DSN1: variants seen among roughly 807,000 people sequenced by gnomAD.
DSN1 encodes the protein kinetochore-associated protein DSN1 homolog.
Under a neutral mutation model 45.7 loss-of-function variants are expected in DSN1, and 31 were observed. The ratio of observed to expected loss-of-function variants is 0.68; its 90% CI spans 0.51 to 0.92. The LOEUF (loss-of-function observed/expected upper bound fraction) is 0.92, where lower values mean the gene tolerates loss of function less well. Among genes scored for constraint, DSN1 ranks in the 40% least tolerant of loss-of-function variants. The pLI, the probability that DSN1 is intolerant of heterozygous loss-of-function variation, is 0.00. For synonymous variants in DSN1, 134 were observed against 142.3 expected, an observed-to-expected ratio of 0.94 and a Z score of 0.41; for missense variants, 394 against 414.2, an observed-to-expected ratio of 0.95 and a Z score of 0.42.
intron 5 of DSN1, among the ~76,000 whole-genome samples, chr20:36,763,078 T>C (rs1445638528): frequency 4.6e-5 from 7 of 152,288 alleles, no homozygotes; most frequent in Admixed American, 3.9e-4. Flanking sequence ...GATAAATGTT[T>C]CTATAAATGA....
chr20:36,758,513 C>G, intron 7 of DSN1, 45 bp downstream of exon 7: 2 of 1,539,626 alleles, frequency 1.3e-6, no homozygotes, highest in Non-Finnish European at 1.8e-6. Flanking sequence ...TTAATTTCCC[C>G]AGATGGGAGA....
Position 36,751,909 on chromosome 20 carries a change from C to T in DSN1, c.*879G>A, listed in dbSNP as rs1003135714. On this transcript the variant is annotated 3_prime_UTR_variant, in exon 11 of 11. Coordinates refer to ENST00000373750, the MANE Select transcript of DSN1 (RefSeq NM_001145315.2). ...CTTGTCATGAATCCAGGATTTAGGT[C>T]AACTCAATATGAAAAACTGAAGCAC... The T allele has an allele frequency of 6.6e-6, 1 of 150,714 alleles. No homozygotes were observed. Among genetic ancestry groups the T allele is most frequent in the Non-Finnish European group, 1.5e-5 (1 of 68,024 alleles). 9.3% of individuals were successfully genotyped at this position (150,714 alleles called of 1,614,324 possible).
At chr20:36,762,961 C>T (rs1177824091) in intron 5 of DSN1, among the ~76,000 whole-genome samples, 1 of 152,198 alleles carries the variant, frequency 6.6e-6, no homozygotes, top group Non-Finnish European at 1.5e-5. Flanking sequence ...ACCATGTTGT[C>T]TAGGCTGGTC....
chr20:36,771,054 G>C lies in DSN1; in HGVS notation c.174C>G (p.Ser58Arg). The C allele has an allele frequency of 6.2e-7, 1 of 1,614,106 alleles. No individual in the cohort carries two copies. Among genetic ancestry groups the C allele is most frequent in the Non-Finnish European group, 8.5e-7 (1 of 1,180,018 alleles). ...VSEERIHLGS[S>R]PKKGGNCDLS... Reference sequence around the variant, plus strand: ...GATCACAATTTCCCCCTTTTTTAGGGCTAGAGCCAAGGTGAATTCTTTCCT... The same window carrying C: ...GATCACAATTTCCCCCTTTTTTAGGCCTAGAGCCAAGGTGAATTCTTTCCT... The change falls in exon 3 of 11, where the codon AGC becomes AGG. Residue 58 changes from serine to arginine, a missense_variant. Transcript: ENST00000373750.
intron 6 of DSN1, among the ~76,000 whole-genome samples, chr20:36,762,097 ATT>A: frequency 6.8e-6 from 1 of 147,708 alleles, no homozygotes; most frequent in South Asian, 2.1e-4. Context: ...AAAAGTCCTA[ATT>A]CTTTTTTTTT....
chr20:36,762,664 C>A, intron 5 of DSN1, 116 bp from the exon 6 acceptor site: 2 of 771,036 alleles, frequency 2.6e-6, no homozygotes, highest in African/African-American at 1.8e-5. Flanking sequence ...CATGTTGGTC[C>A]TCAAGCCCAC....
At chr20:36,760,413 A>G (rs1303178414) in intron 6 of DSN1, among the ~76,000 whole-genome samples, 2 of 152,216 alleles carry the variant, frequency 1.3e-5, no homozygotes, top group East Asian at 1.9e-4. Context: ...GAGTGGGGTA[A>G]TTAATTCTTA....
chr20:36,762,542 G>C lies in DSN1; in HGVS notation c.509C>G (p.Ser170Cys). The C allele has an allele frequency of 6.2e-7, 1 of 1,613,388 alleles. No homozygotes were observed. Among genetic ancestry groups the C allele is most frequent in the South Asian group, 1.1e-5 (1 of 90,984 alleles). The change falls in exon 6 of 11, where the codon TCT becomes TGT. Residue 170 changes from serine to cysteine, a missense_variant. Coordinates refer to ENST00000373750, the MANE Select transcript of DSN1 (RefSeq NM_001145315.2). ...AAAATGTTTCAATTCTTCAGAAAGAGAAGATGCTAGACAGCACAAATTTAC... is the reference window on the plus strand; with the variant it reads ...AAAATGTTTCAATTCTTCAGAAAGACAAGATGCTAGACAGCACAAATTTAC... The part of the protein sequence containing the change: ...SLESFRAKAS[S>C]LSEELKHFAD...
chr20:36,761,389 C>G (rs566806868), intron 6 of DSN1, among the ~76,000 whole-genome samples: 11 of 152,110 alleles, frequency 7.2e-5, no homozygotes, highest in Non-Finnish European at 1.2e-4. Flanking sequence ...CAAAAGAGAC[C>G]TTGCTTCACT....
At chr20:36,763,703 A>G (rs1158491978) in intron 5 of DSN1, among the ~76,000 whole-genome samples, 4 of 151,818 alleles carry the variant, frequency 2.6e-5, no homozygotes, top group Non-Finnish European at 5.9e-5. Context: ...CCTGGCCAAC[A>G]TGGTGAAACC....
chr20:36,758,194 T>A (rs1296998346), intron 7 of DSN1, 33 bp from the exon 8 acceptor site: 6 of 1,573,950 alleles, frequency 3.8e-6, no homozygotes, highest in Non-Finnish European at 5.2e-6. Flanking sequence ...TTCAGTTAAT[T>A]TTTATAATCT....
At chr20:36,756,280 T>G (rs1257639446) in intron 8 of DSN1, among the ~76,000 whole-genome samples, 1 of 152,068 alleles carries the variant, frequency 6.6e-6, no homozygotes, top group African/African-American at 2.4e-5. Context: ...GCGCCTGGCC[T>G]TAACAAGAAG....
chr20:36,752,750 C>T lies in DSN1; in HGVS notation c.*38G>A, dbSNP rs1443449492. ...GTGCTGGGGCACTCTTCCCATTCCT[C>T]TCCTCTTGGGCACCTTGTGGCAGAA... On this transcript the variant is annotated 3_prime_UTR_variant, in exon 11 of 11. Coordinates refer to ENST00000373750, the MANE Select transcript of DSN1 (RefSeq NM_001145315.2). 2.6e-6 allele frequency: 4 copies of T among 1,567,314 alleles called. No individual in the cohort carries two copies. In the African/African-American group the frequency reaches 4.1e-5, roughly 16 times the overall value.
chr20:36,767,669 C>T (rs927292238), intron 4 of DSN1, among the ~76,000 whole-genome samples: 3 of 151,882 alleles, frequency 2.0e-5, no homozygotes, highest in African/African-American at 7.3e-5. Flanking sequence ...TTTGGGAGGC[C>T]GAGGCAGGCG....
chr20:36,760,858 C>G (rs1986944335), intron 6 of DSN1, among the ~76,000 whole-genome samples: 1 of 152,150 alleles, frequency 6.6e-6, no homozygotes, highest in East Asian at 1.9e-4. Context: ...CCATTACACT[C>G]CAGCCTGGGT....
chr20:36,755,819 C>T lies in DSN1; in HGVS notation c.736G>A (p.Glu246Lys). 6.2e-7 allele frequency: 1 copy of T among 1,608,968 alleles called. No individual in the cohort carries two copies. The highest frequency in any genetic ancestry group is 8.5e-7 in the Non-Finnish European group (1 of 1,178,722). The part of the protein sequence containing the change: ...AKEILSRGST[E>K]AKITEVKVEP... ...ACTTTGACCTCAGTAATTTTGGCCT[C>T]AGTTGATCCTCTAAAAACAAAACAC... The change falls in exon 9 of 11, where the codon GAG becomes AAG. Residue 246 changes from glutamate to lysine, a missense_variant. Glu to Lys is a moderately conservative substitution (Grantham distance 56). Coordinates refer to ENST00000373750, the MANE Select transcript of DSN1 (RefSeq NM_001145315.2).
intron 3 of DSN1, among the ~76,000 whole-genome samples, chr20:36,769,977 G>A (rs1294140414): frequency 2.7e-5 from 4 of 149,732 alleles, no homozygotes; most frequent in South Asian, 2.1e-4. Flanking sequence ...AAAGTGAGGC[G>A]GGGGTGGGTG....
intron 1 of DSN1, 106 bp downstream of exon 1, chr20:36,773,556 G>T: frequency 1.7e-5 from 17 of 985,954 alleles, no homozygotes; most frequent in Non-Finnish European, 2.0e-5. Context: ...GGTCGAGCTG[G>T]GCCGACGGGT....
At chr20:36,755,568 G>C (rs1986623044) in intron 9 of DSN1, 114 bp downstream of exon 9, 1 of 1,254,778 alleles carries the variant, frequency 8.0e-7, no homozygotes, top group African/African-American at 1.5e-5. Flanking sequence ...CTAAGGTAGA[G>C]TTGAATATAC....
Sources: gnomAD v4.1 joint callset for allele counts (sites outside exome capture counted in the v4.1 genomes callset) on GRCh38, gnomAD v4.1.1 for gene constraint, MANE v1.5 for transcripts, NCBI Gene and HGNC (gene_info 2026-07-23, HGNC 2026-07-21) for gene names.